The following SLC30A8 variants were observed in gnomAD, a reference collection of about 807,000 sequenced individuals.
SLC30A8 encodes proton-coupled zinc antiporter SLC30A8.
A neutral mutation model predicts 36.9 loss-of-function variants in SLC30A8; 27 were observed. The ratio of observed to expected loss-of-function variants is 0.73; its 90% confidence interval spans 0.54 to 1.01. SLC30A8 has a LOEUF of 1.01. Ranked by LOEUF, SLC30A8 falls within the 50% of genes least tolerant of loss-of-function variation. The pLI is 0.00. For synonymous variants in SLC30A8, 164 were observed against 172.4 expected (o/e 0.95, Z 0.38); for missense variants, 439 against 452.0 (o/e 0.97, Z 0.26).
At chr8:116,971,146 T>C (rs1038960171) in intron 1 of SLC30A8, among the ~76,000 whole-genome samples, 4 of 151,744 alleles carry the variant, frequency 2.6e-5, no homozygotes, top group African/African-American at 7.3e-5. Flanking sequence ...GAAAAGAAAA[T>C]AGTTAATGCA....
intron 2 of SLC30A8, among the ~76,000 whole-genome samples, chr8:117,097,652 A>ATATAT (rs1819470429): frequency 5.4e-5 from 2 of 37,216 alleles, no homozygotes; most frequent in African/African-American, 7.1e-4. Context: ...ATTTTAAATA[A>ATATAT]TATATATAAT....
Position 117,153,017 on chromosome 8 carries a change from G to T in SLC30A8, c.345G>T (p.Leu115=). ...TCTTAATTGACCTGACCAGTTTCCT[G>T]CTCAGTCTCTTCTCCCTGTGGTTGT... ...AHLLIDLTSF[L]LSLFSLWLSS... is the part of the protein sequence containing the mutation. The change falls in exon 3 of 8, where the codon CTG becomes CTT. Residue 115 remains leucine, a synonymous_variant. Transcript: ENST00000456015. 1 of 1,613,520 alleles carries T rather than the reference G, an allele frequency of 6.2e-7. No individual in the cohort carries two copies. The highest frequency in any genetic ancestry group is 8.5e-7 in the Non-Finnish European group (1 of 1,179,632).
intron 2 of SLC30A8, among the ~76,000 whole-genome samples, chr8:117,080,552 G>A (rs114437876): frequency 0.012 from 1,777 of 152,170 alleles, 54 homozygotes; most frequent in African/African-American, 0.04. Context: ...TGTACCCAGC[G>A]TTTAGCTCCC....
rs61311411 is a variant in SLC30A8, at chr8:116,955,722, C to CA, written c.-266+4616dup. On this transcript the variant is annotated intron_variant, in intron 1 of 10. Coordinates refer to the SLC30A8 transcript ENST00000427715. ...TGGGTGACAGAGCGAGACTCTGTCT[C>CA]AAAAAAAAAAAAATAAAAAAAAAGA... Among the ~76,000 whole-genome samples, 689 of 135,638 alleles carry CA rather than the reference C, an allele frequency of 5.1e-3. 8 individuals are homozygous for CA. Among genetic ancestry groups the CA allele is most frequent in the African/African-American group, 0.014 (515 of 35,808 alleles). The allele number at this position is 135,638 out of a possible 152,430, so 89.0% of individuals were successfully genotyped here. A position where few individuals can be genotyped will look rare whatever the true frequency, so the allele number is the denominator to read the frequency against.
chr8:117,105,376 T>C (rs896139640), intron 2 of SLC30A8, among the ~76,000 whole-genome samples: 14 of 152,138 alleles, frequency 9.2e-5, no homozygotes, highest in Non-Finnish European at 1.3e-4. Context: ...ATTTACACAA[T>C]AGCACCCTAC....
Position 117,097,627 on chromosome 8 carries a change from T to C in SLC30A8, c.-225-37653T>C, listed in dbSNP as rs535227960. 4.0e-3 allele frequency among the ~76,000 whole-genome samples: 330 copies of C among 82,254 alleles called. 17 individuals are homozygous for C. Among genetic ancestry groups the C allele is most frequent in the African/African-American group, 0.014 (204 of 14,204 alleles). The allele number at this position is 82,254 out of a possible 152,430, so 54.0% of individuals were successfully genotyped here. A position where few individuals can be genotyped will look rare whatever the true frequency, so the allele number is the denominator to read the frequency against. ...ATATATAATTTTAAATAATATATAT[T>C]ATATATAATATATAATTTTAAATAA... On this transcript the variant is annotated intron_variant, in intron 2 of 10. Coordinates refer to the SLC30A8 transcript ENST00000427715.
In SLC30A8 at chr8:117,175,542, C is replaced by T. The variant is rs963140604; in HGVS notation, c.*2861C>T. ...CTTCCCTTTATTAGCTCTGTGACCT[C>T]GAGCTAGTTACTTAAATGCTCTGAT... On this transcript the variant is annotated 3_prime_UTR_variant, in exon 8 of 8. Transcript: ENST00000456015. 2 of 152,072 alleles carry T rather than the reference C, an allele frequency of 1.3e-5. No homozygotes were observed. Among genetic ancestry groups the T allele is most frequent in the Non-Finnish European group, 2.9e-5 (2 of 68,000 alleles). 9.4% of individuals were successfully genotyped at this position (152,072 alleles called of 1,614,324 possible).
Position 116,999,011 on chromosome 8 carries a change from C to T in SLC30A8, c.-265-40208C>T, listed in dbSNP as rs189563633. ...ACGCGTGGTGGCACACGCCACCCAG[C>T]ACTTTAGGAGGCTGAGGCGGGCAGA... On this transcript the variant is annotated intron_variant, in intron 1 of 10. Coordinates refer to the SLC30A8 transcript ENST00000427715. 1.6e-3 allele frequency among the ~76,000 whole-genome samples: 249 copies of T among 152,346 alleles called. 2 individuals are homozygous for T. Among genetic ancestry groups the T allele is most frequent in the African/African-American group, 5.7e-3 (236 of 41,578 alleles).
At chr8:117,057,145 G>T (rs1411955526) in intron 2 of SLC30A8, among the ~76,000 whole-genome samples, 2 of 152,024 alleles carry the variant, frequency 1.3e-5, no homozygotes, top group Non-Finnish European at 2.9e-5. Flanking sequence ...GTCGAGTGAG[G>T]GTCTGTTTCT....
At chr8:117,008,091 G>A (rs1233733337) in intron 1 of SLC30A8, among the ~76,000 whole-genome samples, 2 of 152,146 alleles carry the variant, frequency 1.3e-5, no homozygotes, top group Non-Finnish European at 2.9e-5. Flanking sequence ...ATCACATGCT[G>A]TATTCCCACT....
At chr8:117,153,136 G>A (rs765134698) in intron 3 of SLC30A8, 46 bp downstream of exon 3, 7 of 1,486,928 alleles carry the variant, frequency 4.7e-6, no homozygotes, top group Non-Finnish European at 4.5e-6. Flanking sequence ...GTGCTGCAAA[G>A]TCAAACCAAG....
At chr8:117,121,197 T>A (rs567035262) in intron 2 of SLC30A8, among the ~76,000 whole-genome samples, 6 of 152,098 alleles carry the variant, frequency 3.9e-5, no homozygotes, top group Non-Finnish European at 7.4e-5. Context: ...ATTCCTGTGT[T>A]TATTGAAGCA....
At position 117,147,054 on chromosome 8, in the gene SLC30A8, A is replaced by C. The variant is rs1246625721; in HGVS notation, c.172A>C (p.Lys58Gln). 7 of 1,614,060 alleles carry C rather than the reference A, an allele frequency of 4.3e-6. No homozygotes were observed. The East Asian group carries it at 1.1e-4, about 26-fold the overall frequency. The change falls in exon 2 of 8, where the codon AAG (lysine) becomes CAG (glutamine). Residue 58 changes from lysine to glutamine, a missense_variant. Physicochemically the swap from Lys to Gln is moderately conservative, Grantham distance 53. Transcript: ENST00000456015. The stretch of plus-strand genomic sequence containing the variant: ...CATGTACCACTGCCACAGTGGCTCC[A>C]AGCCCACAGAAAAGGGGGCGAATGA... Reference protein sequence around the residue: ...GGMYHCHSGSKPTEKGANEYA... With the variant: ...GGMYHCHSGSQPTEKGANEYA...
chr8:117,041,382 T>C (rs1051459296), intron 2 of SLC30A8, among the ~76,000 whole-genome samples: 1 of 152,194 alleles, frequency 6.6e-6, no homozygotes, highest in African/African-American at 2.4e-5. Flanking sequence ...TTCTAGAATT[T>C]GCCCTGAAAA....
intron 1 of SLC30A8, among the ~76,000 whole-genome samples, chr8:116,959,166 A>T (rs1387330612): frequency 1.3e-5 from 2 of 151,910 alleles, no homozygotes; most frequent in African/African-American, 4.8e-5. Flanking sequence ...TTCATTTTTT[A>T]AAAATTTACT....
chr8:117,139,437 C>A (rs1475035417), intron 1 of SLC30A8, among the ~76,000 whole-genome samples: 1 of 152,048 alleles, frequency 6.6e-6, no homozygotes, highest in Non-Finnish European at 1.5e-5. Context: ...AGAAAGAGAA[C>A]CCTCACCAGT....
chr8:117,057,667 G>A (rs948637099), intron 2 of SLC30A8, among the ~76,000 whole-genome samples: 4 of 151,942 alleles, frequency 2.6e-5, no homozygotes, highest in African/African-American at 9.7e-5. Flanking sequence ...TGTCCTCCAG[G>A]TTTATCCATG....
chr8:117,013,513 T>TA (rs920089879), intron 1 of SLC30A8, among the ~76,000 whole-genome samples: 13 of 152,132 alleles, frequency 8.5e-5, no homozygotes, highest in Non-Finnish European at 1.8e-4. Context: ...AATGTGGAAG[T>TA]AAAAAAGAAA....
At chr8:117,023,160 A>C (rs1816759084) in intron 1 of SLC30A8, among the ~76,000 whole-genome samples, 1 of 152,252 alleles carries the variant, frequency 6.6e-6, no homozygotes, top group Non-Finnish European at 1.5e-5. Context: ...GCAAATAAAA[A>C]CCACAATGAG....
Sources: allele counts gnomAD v4.1 joint callset (sites outside exome capture counted in the v4.1 genomes callset), GRCh38; gene constraint gnomAD v4.1.1; transcripts MANE v1.5; gene names NCBI Gene and HGNC (gene_info 2026-07-23, HGNC 2026-07-21).